CSMD1: variants seen among roughly 807,000 people sequenced by gnomAD.
The protein encoded by CSMD1 is CUB and Sushi multiple domains 1.
A neutral mutation model predicts 417.5 loss-of-function variants in CSMD1; 213 were observed. That is an observed-to-expected ratio of 0.51 (90% CI 0.46 to 0.57). CSMD1 has a LOEUF of 0.57. Ranked by LOEUF, CSMD1 falls within the 20% of genes least tolerant of loss-of-function variation. The pLI is 0.00. For synonymous variants in CSMD1, 2,862 were observed against 1,736.8 expected (o/e 1.65, Z -16.11); for missense variants, 6,923 against 4,529.7 (o/e 1.53, Z -15.17).
intron 7 of CSMD1, among the ~76,000 whole-genome samples, chr8:3,670,473 C>CATAT (rs754468718): frequency 6.8e-6 from 1 of 146,892 alleles, no homozygotes. Context: ...ATATGTATCC[C>CATAT]ATATATATAT....
chr8:3,119,796 G>A (rs1230278128), intron 41 of CSMD1, among the ~76,000 whole-genome samples: 1 of 152,168 alleles, frequency 6.6e-6, no homozygotes, highest in African/African-American at 2.4e-5. Context: ...ACACCATGCA[G>A]CACCAGTTCT....
intron 2 of CSMD1, among the ~76,000 whole-genome samples, chr8:4,611,832 G>C (rs536563683): frequency 6.6e-6 from 1 of 152,138 alleles, no homozygotes; most frequent in South Asian, 2.1e-4. Context: ...AGCTTAAAAT[G>C]GTAATTCCTC....
At chr8:3,797,622 G>A (rs893380643) in intron 5 of CSMD1, among the ~76,000 whole-genome samples, 2 of 151,778 alleles carry the variant, frequency 1.3e-5, no homozygotes, top group African/African-American at 4.8e-5. Context: ...TTTTATTGTT[G>A]GGTAGTGTTC....
At chr8:3,494,081 T>C (rs1314026143) in intron 10 of CSMD1, among the ~76,000 whole-genome samples, 4 of 152,238 alleles carry the variant, frequency 2.6e-5, no homozygotes, top group Admixed American at 6.5e-5. Context: ...TTATAGTTAA[T>C]GACATATATT....
chr8:4,583,103 G>A (rs574923033), intron 2 of CSMD1, among the ~76,000 whole-genome samples: 39 of 152,304 alleles, frequency 2.6e-4, no homozygotes, highest in African/African-American at 8.2e-4. Context: ...CCGTGCCTGA[G>A]CCTCCCACCC....
chr8:3,010,261 T>C (rs1808281429), intron 52 of CSMD1, among the ~76,000 whole-genome samples: 1 of 152,226 alleles, frequency 6.6e-6, no homozygotes. Context: ...ACTCCTACTC[T>C]TCTACTGTGT....
chr8:4,992,841 A>G (rs947323753), intron 1 of CSMD1, among the ~76,000 whole-genome samples: 1 of 152,266 alleles, frequency 6.6e-6, no homozygotes, highest in African/African-American at 2.4e-5. Flanking sequence ...AGCGACCACG[A>G]GCTTGGGTGA....
At chr8:4,798,847 C>T (rs753990118) in intron 1 of CSMD1, among the ~76,000 whole-genome samples, 18 of 152,178 alleles carry the variant, frequency 1.2e-4, no homozygotes, top group Non-Finnish European at 2.6e-4. Flanking sequence ...CATATAACCT[C>T]TGTATATCAC....
At chr8:4,244,907 C>G (rs1474824267) in intron 3 of CSMD1, among the ~76,000 whole-genome samples, 3 of 152,156 alleles carry the variant, frequency 2.0e-5, no homozygotes, top group African/African-American at 7.2e-5. Flanking sequence ...GAGATAACAA[C>G]ATTTAAATCT....
chr8:4,646,586 ATTCT>A (rs1379114128), intron 1 of CSMD1, among the ~76,000 whole-genome samples: 1 of 152,230 alleles, frequency 6.6e-6, no homozygotes, highest in Non-Finnish European at 1.5e-5. Context: ...GCATATACAA[ATTCT>A]TTCTGTGTAG....
At chr8:4,887,069 A>T (rs947362894) in intron 1 of CSMD1, among the ~76,000 whole-genome samples, 1 of 151,906 alleles carries the variant, frequency 6.6e-6, no homozygotes. Flanking sequence ...GAAGTTTAGG[A>T]TATTAATTGG....
chr8:3,247,692 A>T (rs1799976359), intron 26 of CSMD1, among the ~76,000 whole-genome samples: 1 of 152,188 alleles, frequency 6.6e-6, no homozygotes, highest in Non-Finnish European at 1.5e-5. Context: ...GCAAACAGTT[A>T]AACCACATCT....
rs865931578 is a variant in CSMD1, at chr8:3,922,642, G to A, written c.818+75261C>T. On this transcript the variant is annotated intron_variant, in intron 5 of 69. Transcript: ENST00000635120. ...TGTGGCTGATAAAAATGTAAATTTG[G>A]TCACATAAAAATAACTTTTAATTGT... is the stretch of plus-strand genomic sequence containing the variant. Among the ~76,000 whole-genome samples, 13 of 152,026 alleles carry A rather than the reference G, an allele frequency of 8.6e-5. 1 individual carries two copies. The highest frequency in any genetic ancestry group is 4.1e-4 in the South Asian group (2 of 4,824).
At chr8:3,980,125 T>A (rs1451429098) in intron 5 of CSMD1, among the ~76,000 whole-genome samples, 1 of 133,686 alleles carries the variant, frequency 7.5e-6, no homozygotes, top group African/African-American at 3.1e-5. Flanking sequence ...ATAGGTTTTA[T>A]CATTGTATAG....
rs558187662 is a variant in CSMD1, at chr8:3,695,384, CCTGTATGCTAAAACTCACTTTT to C, written c.1009+13008_1009+13029del. Among the ~76,000 whole-genome samples, 1,470 of 152,120 alleles carry C rather than the reference CCTGTATGCTAAAACTCACTTTT, an allele frequency of 9.7e-3. 29 individuals are homozygous for C. Among genetic ancestry groups the C allele is most frequent in the African/African-American group, 0.034 (1,403 of 41,474 alleles). ...AAAAAAAAATAATGACTCAACGTGT[CCTGTATGCTAAAACTCACTTTT>C]ATTAGGTACACTCCAATTAATCCTC... On this transcript the variant is annotated intron_variant, in intron 7 of 69. Coordinates refer to ENST00000635120, the MANE Select transcript of CSMD1 (RefSeq NM_033225.6).
intron 5 of CSMD1, among the ~76,000 whole-genome samples, chr8:3,760,856 G>A (rs577821840): frequency 2.6e-5 from 4 of 152,284 alleles, no homozygotes; most frequent in Middle Eastern, 3.4e-3. Flanking sequence ...GGCTTTAAAT[G>A]ATCTCTGCCC....
intron 18 of CSMD1, among the ~76,000 whole-genome samples, chr8:3,380,855 C>T (rs531554986): frequency 1.6e-4 from 24 of 151,190 alleles, no homozygotes; most frequent in Non-Finnish European, 2.5e-4. Flanking sequence ...CAAACCTGCA[C>T]GATCCGCACA....
rs114071347 is a variant in CSMD1, at chr8:4,508,333, C to G, written c.303-88268G>C. On this transcript the variant is annotated intron_variant, in intron 2 of 69. Coordinates refer to ENST00000635120, the MANE Select transcript of CSMD1 (RefSeq NM_033225.6). ...ATATGTTTTTCCTTCGAGAAAACTA[C>G]AGGATTGTATAAGATGGGACTTCCA... Among the ~76,000 whole-genome samples the G allele has an allele frequency of 8.0e-3, 1,215 of 152,040 alleles. 21 individuals carry two copies. Among genetic ancestry groups the G allele is most frequent in the African/African-American group, 0.028 (1,162 of 41,498 alleles).
chr8:3,163,915 G>A (rs1323157203), intron 37 of CSMD1, among the ~76,000 whole-genome samples: 3 of 152,206 alleles, frequency 2.0e-5, no homozygotes, highest in Non-Finnish European at 4.4e-5. Context: ...GAGTTGCACA[G>A]GTCGGTGTGT....
Sources: allele counts gnomAD v4.1 joint callset (sites outside exome capture counted in the v4.1 genomes callset), GRCh38; gene constraint gnomAD v4.1.1; transcripts MANE v1.5; gene names NCBI Gene and HGNC (gene_info 2026-07-23, HGNC 2026-07-21).